The following FAM13A variants were observed in gnomAD, a reference collection of about 807,000 sequenced individuals.
FAM13A encodes protein FAM13A.
FAM13A carries 76 observed loss-of-function variants against 129.6 expected under a neutral mutation model. The ratio of observed to expected loss-of-function variants is 0.59; its 90% CI spans 0.49 to 0.71. The LOEUF (loss-of-function observed/expected upper bound fraction) is 0.71. Ranked by LOEUF, FAM13A falls within the 30% of genes least tolerant of loss-of-function variation. The pLI is 0.00. For synonymous variants in FAM13A, 443 were observed against 449.9 expected, an observed-to-expected ratio of 0.98 and a Z score of 0.20; for missense variants, 1,108 against 1,249.3, an observed-to-expected ratio of 0.89 and a Z score of 1.70.
At chr4:88,969,535 T>C (rs746134482) in intron 4 of FAM13A, among the ~76,000 whole-genome samples, 1 of 152,204 alleles carries the variant, frequency 6.6e-6, no homozygotes, top group Non-Finnish European at 1.5e-5. Context: ...ACAATGCATA[T>C]AAGTGAATTT....
At chr4:88,874,268 T>C (rs1741976907) in intron 6 of FAM13A, among the ~76,000 whole-genome samples, 1 of 152,086 alleles carries the variant, frequency 6.6e-6, no homozygotes, top group African/African-American at 2.4e-5. Context: ...CTATTCAATA[T>C]AGGGTTGGAA....
chr4:88,743,827 T>C (rs975076706), intron 19 of FAM13A, among the ~76,000 whole-genome samples: 3 of 152,146 alleles, frequency 2.0e-5, no homozygotes, highest in African/African-American at 7.2e-5. Context: ...AAACACAACT[T>C]TGTGAGAAAT....
At chr4:88,975,310 G>A (rs1323934585) in intron 4 of FAM13A, among the ~76,000 whole-genome samples, 1 of 152,140 alleles carries the variant, frequency 6.6e-6, no homozygotes, top group Non-Finnish European at 1.5e-5. Context: ...TAGACACAGG[G>A]TTGAGATAAT....
intron 7 of FAM13A, among the ~76,000 whole-genome samples, chr4:88,846,771 G>A (rs1334802890): frequency 2.6e-5 from 4 of 152,146 alleles, no homozygotes; most frequent in Admixed American, 2.6e-4. Flanking sequence ...TTAAGACTAG[G>A]ACAAATAATA....
At chr4:88,839,876 A>G (rs1315069922) in intron 7 of FAM13A, among the ~76,000 whole-genome samples, 2 of 152,210 alleles carry the variant, frequency 1.3e-5, no homozygotes, top group Non-Finnish European at 2.9e-5. Flanking sequence ...GGTCTTGCCA[A>G]CTGGATATAA....
intron 2 of FAM13A, among the ~76,000 whole-genome samples, chr4:89,026,065 T>C (rs988076439): frequency 2.0e-5 from 3 of 152,204 alleles, no homozygotes; most frequent in East Asian, 1.9e-4. Context: ...AGAAAGAACG[T>C]TGATTATGCC....
At chr4:88,746,634 C>T (rs766050403) in intron 19 of FAM13A, among the ~76,000 whole-genome samples, 10 of 152,134 alleles carry the variant, frequency 6.6e-5, no homozygotes, top group Non-Finnish European at 1.0e-4. Context: ...TCTGCCCCTC[C>T]GACCCCTGGC....
chr4:88,765,846 G>A (rs1340434977), intron 13 of FAM13A, among the ~76,000 whole-genome samples: 1 of 152,152 alleles, frequency 6.6e-6, no homozygotes, highest in Non-Finnish European at 1.5e-5. Flanking sequence ...GTTATTATTA[G>A]TGAACGCCTA....
chr4:88,867,746 A>G (rs1391068595), intron 6 of FAM13A, among the ~76,000 whole-genome samples: 1 of 152,256 alleles, frequency 6.6e-6, no homozygotes, highest in Non-Finnish European at 1.5e-5. Flanking sequence ...TGATACTTCA[A>G]CAAATTTATA....
chr4:88,776,351 G>C (rs1010116012), intron 11 of FAM13A, among the ~76,000 whole-genome samples: 1 of 152,086 alleles, frequency 6.6e-6, no homozygotes, highest in South Asian at 2.1e-4. Context: ...CACCACTTAC[G>C]TGTGACCTAG....
chr4:88,834,491 T>C (rs1009669292), intron 7 of FAM13A, among the ~76,000 whole-genome samples: 1 of 152,052 alleles, frequency 6.6e-6, no homozygotes, highest in African/African-American at 2.4e-5. Context: ...ACTATTTAAA[T>C]AAAGAAAATG....
chr4:88,992,987 C>G (rs1014849882), intron 3 of FAM13A, among the ~76,000 whole-genome samples: 1 of 152,024 alleles, frequency 6.6e-6, no homozygotes, highest in South Asian at 2.1e-4. Context: ...TACAAAGCAC[C>G]TGGATAACAT....
chr4:89,030,481 G>A (rs1768541161), intron 1 of FAM13A, among the ~76,000 whole-genome samples: 1 of 152,134 alleles, frequency 6.6e-6, no homozygotes, highest in Non-Finnish European at 1.5e-5. Flanking sequence ...ATGGCAAAAT[G>A]CGAACGGTCT....
At chr4:88,805,689 G>A (rs928558101) in intron 7 of FAM13A, among the ~76,000 whole-genome samples, 2 of 150,580 alleles carry the variant, frequency 1.3e-5, no homozygotes, top group Non-Finnish European at 3.0e-5. Flanking sequence ...TTTTTTAAGA[G>A]ACATGGTCTC....
intron 6 of FAM13A, among the ~76,000 whole-genome samples, chr4:88,865,434 CG>C (rs1740217301): frequency 6.6e-6 from 1 of 152,100 alleles, no homozygotes; most frequent in South Asian, 2.1e-4. Flanking sequence ...ATAGCTAATA[CG>C]TAAGTTTTAA....
intron 2 of FAM13A, among the ~76,000 whole-genome samples, chr4:89,026,151 T>C (rs1767933324): frequency 6.6e-6 from 1 of 152,132 alleles, no homozygotes; most frequent in African/African-American, 2.4e-5. Context: ...ACAGATGAAA[T>C]GAAAGATCTA....
At chr4:88,805,352 A>G (rs1728347414) in intron 7 of FAM13A, among the ~76,000 whole-genome samples, 1 of 152,220 alleles carries the variant, frequency 6.6e-6, no homozygotes, top group African/African-American at 2.4e-5. Context: ...GTATTCGTAT[A>G]TTACACATAA....
At chr4:88,969,219 AAAG>A (rs1380331632) in intron 4 of FAM13A, among the ~76,000 whole-genome samples, 2 of 152,232 alleles carry the variant, frequency 1.3e-5, no homozygotes, top group African/African-American at 4.8e-5. Context: ...TTTAAAAGAA[AAAG>A]ATAAGACTCC....
intron 1 of FAM13A, among the ~76,000 whole-genome samples, chr4:89,040,736 T>C (rs528696817): frequency 5.3e-5 from 8 of 152,308 alleles, no homozygotes; most frequent in Admixed American, 6.5e-5. Context: ...ATGATTAATA[T>C]TGAGTGTCAA....
Sources: allele counts gnomAD v4.1 joint callset (sites outside exome capture counted in the v4.1 genomes callset), GRCh38; gene constraint gnomAD v4.1.1; transcripts MANE v1.5; gene names NCBI Gene and HGNC (gene_info 2026-07-23, HGNC 2026-07-21).